Variants in LRP1B observed in about 807,000 individuals in gnomAD.
The protein encoded by LRP1B is low-density lipoprotein receptor-related protein 1B.
A neutral mutation model predicts 556.6 loss-of-function variants in LRP1B; 217 were observed. The ratio of observed to expected loss-of-function variants is 0.39; its 90% confidence interval spans 0.35 to 0.44. The LOEUF (loss-of-function observed/expected upper bound fraction) is 0.44, where lower values mean the gene tolerates loss of function less well. Among genes scored for constraint, LRP1B ranks in the 20% least tolerant of loss-of-function variants. The probability of loss-of-function intolerance (pLI) is 1.00; values close to 1 mark genes in which losing one functional copy is unlikely to be tolerated. For synonymous variants in LRP1B, 2,047 were observed against 1,865.8 expected, an observed-to-expected ratio of 1.10 and a Z score of -2.50; for missense variants, 5,053 against 5,620.8, an observed-to-expected ratio of 0.90 and a Z score of 3.23.
chr2:140,483,005 C>A (rs568269948), intron 59 of LRP1B, among the ~76,000 whole-genome samples: 2 of 152,208 alleles, frequency 1.3e-5, no homozygotes, highest in South Asian at 4.1e-4. Context: ...CATTTTCACC[C>A]TAGAGCTCAT....
intron 41 of LRP1B, among the ~76,000 whole-genome samples, chr2:140,636,519 G>A (rs1238267151): frequency 6.6e-6 from 1 of 152,062 alleles, no homozygotes; most frequent in African/African-American, 2.4e-5. Flanking sequence ...CTATCTATAA[G>A]TCATGGTGGA....
intron 21 of LRP1B, among the ~76,000 whole-genome samples, chr2:140,910,287 T>A (rs1463648581): frequency 6.6e-6 from 1 of 151,822 alleles, no homozygotes; most frequent in Non-Finnish European, 1.5e-5. Flanking sequence ...ATGAAACAGT[T>A]GGCAATCTAA....
intron 41 of LRP1B, among the ~76,000 whole-genome samples, chr2:140,688,575 A>G (rs1019867110): frequency 1.1e-4 from 17 of 152,242 alleles, no homozygotes; most frequent in African/African-American, 4.1e-4. Flanking sequence ...CAGAAGGTAC[A>G]CATTCTTCCC....
At chr2:140,255,817 T>G (rs1681649059) in intron 86 of LRP1B, among the ~76,000 whole-genome samples, 1 of 152,214 alleles carries the variant, frequency 6.6e-6, no homozygotes, top group Non-Finnish European at 1.5e-5. Context: ...AATCAGTCAT[T>G]TCTCACTGAA....
chr2:140,756,709 T>C (rs754886160), intron 35 of LRP1B, among the ~76,000 whole-genome samples: 2 of 152,096 alleles, frequency 1.3e-5, no homozygotes, highest in African/African-American at 4.8e-5. Context: ...AGTTAAAACA[T>C]TGCATTTAAA....
At chr2:140,880,560 G>T (rs1318880951) in intron 25 of LRP1B, among the ~76,000 whole-genome samples, 1 of 152,106 alleles carries the variant, frequency 6.6e-6, no homozygotes, top group Non-Finnish European at 1.5e-5. Context: ...TGGATTTTAT[G>T]CTGGGGAAGC....
chr2:141,554,361 A>C (rs181677031), intron 2 of LRP1B, among the ~76,000 whole-genome samples: 1 of 149,600 alleles, frequency 6.7e-6, no homozygotes, highest in Admixed American at 6.7e-5. Context: ...ATAGACATAG[A>C]TATAGATTAT....
At chr2:140,613,300 T>A (rs1181688517) in intron 41 of LRP1B, among the ~76,000 whole-genome samples, 4 of 143,254 alleles carry the variant, frequency 2.8e-5, no homozygotes, top group African/African-American at 1.0e-4. Context: ...TTTATATATA[T>A]AAAATTATAT....
intron 87 of LRP1B, among the ~76,000 whole-genome samples, chr2:140,242,828 G>A (rs1357527538): frequency 6.6e-6 from 1 of 151,012 alleles, no homozygotes; most frequent in Non-Finnish European, 1.5e-5. Flanking sequence ...ATGAAGGAGT[G>A]TGTAAGCCAT....
intron 1 of LRP1B, among the ~76,000 whole-genome samples, chr2:141,903,209 CT>C (rs1699671257): frequency 6.6e-6 from 1 of 151,672 alleles, no homozygotes; most frequent in Non-Finnish European, 1.5e-5. Context: ...TATAGATACT[CT>C]TTAATTAATT....
In LRP1B at chr2:141,642,627, G is replaced by C. The variant is rs571172411; in HGVS notation, c.206-162094C>G. 5.3e-5 allele frequency among the ~76,000 whole-genome samples: 8 copies of C among 152,150 alleles called. No homozygotes were observed. In the East Asian group the frequency reaches 1.5e-3, roughly 29 times the overall value. ...TGGGAAAGCTATTTATTATAGAAAG[G>C]AGAAATCAGGGAGGATATGAAGAAG... On this transcript the variant is annotated intron_variant, in intron 2 of 90. Coordinates refer to ENST00000389484, the MANE Select transcript of LRP1B (RefSeq NM_018557.3).
chr2:141,243,869 C>A (rs929745774), intron 5 of LRP1B, among the ~76,000 whole-genome samples: 2 of 152,086 alleles, frequency 1.3e-5, no homozygotes, highest in Non-Finnish European at 2.9e-5. Flanking sequence ...TTAATCTCTT[C>A]CCCCATCTGC....
At chr2:141,871,731 A>G (rs1482448775) in intron 1 of LRP1B, among the ~76,000 whole-genome samples, 1 of 151,982 alleles carries the variant, frequency 6.6e-6, no homozygotes, top group Non-Finnish European at 1.5e-5. Context: ...TGAATGCACA[A>G]TTTAATGTTA....
chr2:141,254,767 AG>A, intron 3 of LRP1B, 126 bp from the exon 4 acceptor site: 1 of 632,872 alleles, frequency 1.6e-6, no homozygotes, highest in Non-Finnish European at 2.5e-6. Flanking sequence ...TGATTGGTCT[AG>A]AAAAAAATAT....
intron 7 of LRP1B, among the ~76,000 whole-genome samples, chr2:141,185,352 CTGTTTT>C (rs1425427698): frequency 1.3e-5 from 2 of 152,014 alleles, no homozygotes; most frequent in South Asian, 2.1e-4. Flanking sequence ...GACAGAAATG[CTGTTTT>C]TGATGTTGGT....
At chr2:142,019,306 A>G (rs1249238067) in intron 1 of LRP1B, among the ~76,000 whole-genome samples, 2 of 152,126 alleles carry the variant, frequency 1.3e-5, no homozygotes, top group Non-Finnish European at 2.9e-5. Context: ...TCAGTAGTTT[A>G]GTGTTGGAAG....
At chr2:140,996,766 A>G (rs1450272643) in intron 15 of LRP1B, among the ~76,000 whole-genome samples, 2 of 152,022 alleles carry the variant, frequency 1.3e-5, no homozygotes, top group East Asian at 3.9e-4. Context: ...GCAAAAGACA[A>G]AAAGATAAAA....
chr2:140,655,339 G>A (rs1046196747), intron 41 of LRP1B, among the ~76,000 whole-genome samples: 26 of 152,188 alleles, frequency 1.7e-4, no homozygotes, highest in African/African-American at 6.0e-4. Context: ...AATGAACTGT[G>A]AATTATCCTG....
intron 43 of LRP1B, among the ~76,000 whole-genome samples, chr2:140,582,034 G>A (rs749909150): frequency 5.3e-5 from 8 of 152,128 alleles, no homozygotes; most frequent in African/African-American, 1.9e-4. Context: ...ATTCTCATGC[G>A]AATTATCTCA....
Sources: gnomAD v4.1 joint callset for allele counts (sites outside exome capture counted in the v4.1 genomes callset) on GRCh38, gnomAD v4.1.1 for gene constraint, MANE v1.5 for transcripts, NCBI Gene and HGNC (gene_info 2026-07-23, HGNC 2026-07-21) for gene names.